Variants in RALGAPB observed in about 807,000 individuals in gnomAD.
The protein encoded by RALGAPB is Ral GTPase activating protein non-catalytic subunit beta, also known as ral GTPase-activating protein subunit beta.
RALGAPB carries 25 observed loss-of-function variants against 161.1 expected under a neutral mutation model. The observed-to-expected ratio is 0.16, with a 90% CI of 0.11 to 0.22. The LOEUF is 0.22. Among genes scored for constraint, RALGAPB ranks in the 10% least tolerant of loss-of-function variants. The pLI is 1.00. For missense variants in RALGAPB, 1,391 were observed against 1,815.2 expected (o/e 0.77, Z 4.25); for synonymous variants, 629 against 626.1 (o/e 1.00, Z -0.07).
intron 26 of RALGAPB, among the ~76,000 whole-genome samples, chr20:38,567,922 T>C (rs2088069855): frequency 6.6e-6 from 1 of 152,196 alleles, no homozygotes; most frequent in African/African-American, 2.4e-5. Flanking sequence ...ACCTTTAAAA[T>C]TGATTTAGGA....
intron 18 of RALGAPB, among the ~76,000 whole-genome samples, chr20:38,541,775 G>A (rs2086976752): frequency 6.6e-6 from 1 of 152,148 alleles, no homozygotes; most frequent in Admixed American, 6.5e-5. Flanking sequence ...TAAATAAAAT[G>A]CTGGGGAGTT....
chr20:38,562,673 G>T lies in RALGAPB; in HGVS notation c.3673G>T (p.Asp1225Tyr). The T allele has an allele frequency of 6.2e-7, 1 of 1,611,960 alleles. No individual in the cohort carries two copies. The highest frequency in any genetic ancestry group is 1.7e-4 in the Middle Eastern group (1 of 6,048). ...TACCAGTTGGTCTATTAATTGTTGT[G>T]ATGATGGTGAAGGATCTCAACAAGG... ...VSTSWSINCC[D>Y]DGEGSQQEVI... is the part of the protein sequence containing the mutation. The change falls in exon 24 of 30, where the codon GAT becomes TAT. Residue 1225 changes from aspartate (D) to tyrosine (Y), a missense_variant. Asp to Tyr is a radical substitution (Grantham distance 160). Around this residue, in one of 3 missense-constraint regions of RALGAPB, gnomAD observed 436 missense variants for 527.0 expected, o/e 0.83. Transcript: ENST00000262879.
At chr20:38,521,868 A>G (rs981171953) in intron 10 of RALGAPB, among the ~76,000 whole-genome samples, 170 bp downstream of exon 10, 1 of 152,244 alleles carries the variant, frequency 6.6e-6, no homozygotes, top group Non-Finnish European at 1.5e-5. Context: ...CAGATTTGGT[A>G]AAGACCCTTA....
At chr20:38,496,739 A>AT (rs1262355799) in intron 3 of RALGAPB, among the ~76,000 whole-genome samples, 1 of 152,194 alleles carries the variant, frequency 6.6e-6, no homozygotes, top group African/African-American at 2.4e-5. Context: ...TGGAGCCTCC[A>AT]TCTTTGGCTA....
intron 10 of RALGAPB, among the ~76,000 whole-genome samples, 196 bp downstream of exon 10, chr20:38,521,894 T>C (rs1203713217): frequency 1.3e-5 from 2 of 152,234 alleles, no homozygotes; most frequent in Non-Finnish European, 2.9e-5. Context: ...CTTTTTGTTT[T>C]AGAAGTGCTA....
rs886931782 is a variant in RALGAPB, at chr20:38,555,216, A to G, written c.3372+1140A>G. The stretch of plus-strand genomic sequence containing the variant: ...TACTCTAAGTCCTGTTTGTTTTGAA[A>G]AGTACAACTGAAGATTGCCAAGCAA... On this transcript the variant is annotated intron_variant, in intron 22 of 29. Transcript: ENST00000262879. 3.9e-5 allele frequency among the ~76,000 whole-genome samples: 6 copies of G among 152,368 alleles called. No individual in the cohort carries two copies. The East Asian group carries it at 1.2e-3, about 29-fold the overall frequency.
Position 38,532,750 on chromosome 20 carries a change from G to C in RALGAPB, c.2136G>C (p.Leu712=). The change falls in exon 15 of 30, where the codon CTG becomes CTC. Residue 712 remains leucine (L), a synonymous_variant. Coordinates refer to ENST00000262879, the MANE Select transcript of RALGAPB (RefSeq NM_020336.4). ...QMEMGGGENN[L]KSHSRTNSGI... ...ACTAGGGTGGTGGAGAAAATAACCT[G>C]AAGAGTCATAGTCGCACCAATAGTG... is the stretch of plus-strand genomic sequence containing the variant. 6.2e-7 allele frequency: 1 copy of C among 1,613,948 alleles called. No homozygotes were observed.
At chr20:38,529,620 G>A (rs1600958610) in intron 13 of RALGAPB, among the ~76,000 whole-genome samples, 1 of 151,870 alleles carries the variant, frequency 6.6e-6, no homozygotes, top group Non-Finnish European at 1.5e-5. Flanking sequence ...ATCACGAGGT[G>A]AGGAGTTCAA....
At chr20:38,535,602 T>A (rs1407618160) in intron 16 of RALGAPB, among the ~76,000 whole-genome samples, 1 of 151,960 alleles carries the variant, frequency 6.6e-6, no homozygotes, top group Non-Finnish European at 1.5e-5. Flanking sequence ...CCTTTTTTTT[T>A]TTTTTTTTGA....
intron 5 of RALGAPB, among the ~76,000 whole-genome samples, chr20:38,502,928 GA>G (rs1256462259): frequency 5.9e-5 from 9 of 152,136 alleles, no homozygotes; most frequent in Non-Finnish European, 1.2e-4. Context: ...TTTTTTTAAA[GA>G]GGGGGTCTTG....
At position 38,525,948 on chromosome 20, in the gene RALGAPB, A is replaced by T. The variant is rs1334471292; in HGVS notation, c.1956A>T (p.Pro652=). The T allele has an allele frequency of 1.9e-6, 3 of 1,613,824 alleles. No homozygotes were observed. Among genetic ancestry groups the T allele is most frequent in the African/African-American group, 2.7e-5 (2 of 74,932 alleles). The change falls in exon 13 of 30, where the codon CCA becomes CCT. Residue 652 remains proline (P), a synonymous_variant. Transcript: ENST00000262879. ...SNDDSSSYDK[P]ITFLSLKLRL... ...ATGACAGCTCTTCTTATGATAAACC[A>T]ATAACTTTTCTGTCCCTGAAGTTGA...
intron 5 of RALGAPB, among the ~76,000 whole-genome samples, chr20:38,503,805 C>T (rs1325488124): frequency 6.6e-6 from 1 of 152,042 alleles, no homozygotes; most frequent in African/African-American, 2.4e-5. Flanking sequence ...ATGTGGCACA[C>T]CTCATTGTTG....
chr20:38,525,349 T>C, intron 11 of RALGAPB, 55 bp from the exon 12 acceptor site: 19 of 1,194,264 alleles, frequency 1.6e-5, no homozygotes, highest in Non-Finnish European at 2.3e-5. Flanking sequence ...TATTTGGCAG[T>C]AGCTAAAAAT....
intron 28 of RALGAPB, among the ~76,000 whole-genome samples, chr20:38,571,820 A>G (rs2088250555): frequency 6.6e-6 from 1 of 152,204 alleles, no homozygotes; most frequent in African/African-American, 2.4e-5. Flanking sequence ...ATTTCCACCA[A>G]CAGCATACAA....
intron 5 of RALGAPB, among the ~76,000 whole-genome samples, chr20:38,505,700 A>G (rs2085741626): frequency 6.6e-6 from 1 of 152,234 alleles, no homozygotes; most frequent in Admixed American, 6.5e-5. Context: ...TTAATCGACT[A>G]CAGTATAGTC....
intron 24 of RALGAPB, among the ~76,000 whole-genome samples, chr20:38,563,570 A>G (rs987674872): frequency 8.5e-5 from 13 of 152,188 alleles, no homozygotes; most frequent in Non-Finnish European, 1.9e-4. Flanking sequence ...CCACCTGGCT[A>G]ATGCTTTCTG....
chr20:38,481,066 C>G (rs192553487), intron 1 of RALGAPB, among the ~76,000 whole-genome samples: 39 of 152,134 alleles, frequency 2.6e-4, no homozygotes, highest in Admixed American at 8.5e-4. Context: ...TCAGTCTTAT[C>G]ACCTCAATTT....
intron 21 of RALGAPB, among the ~76,000 whole-genome samples, chr20:38,553,421 G>T (rs2087449253): frequency 6.6e-6 from 1 of 152,072 alleles, no homozygotes; most frequent in South Asian, 2.1e-4. Context: ...TGACAACTCT[G>T]CCCCCTTTCT....
At chr20:38,573,389 A>G (rs901705233) in intron 28 of RALGAPB, among the ~76,000 whole-genome samples, 7 of 152,128 alleles carry the variant, frequency 4.6e-5, no homozygotes, top group African/African-American at 1.7e-4. Context: ...TATAGAAAGA[A>G]AATTCATTGG....
Sources: allele counts gnomAD v4.1 joint callset (sites outside exome capture counted in the v4.1 genomes callset), GRCh38; gene constraint gnomAD v4.1.1; regional missense constraint gnomAD v4.1.1; transcripts MANE v1.5; gene names NCBI Gene and HGNC (gene_info 2026-07-23, HGNC 2026-07-21).